Variants in PHLDB3 observed in about 807,000 individuals in gnomAD.
The protein encoded by PHLDB3 is pleckstrin homology like domain family B member 3.
PHLDB3 carries 86 observed loss-of-function variants against 85.7 expected under a neutral mutation model. That is an observed-to-expected ratio of 1.00 (90% CI 0.84 to 1.20). The LOEUF (loss-of-function observed/expected upper bound fraction) is 1.20, where lower values mean the gene tolerates loss of function less well. Ranked by LOEUF, PHLDB3 falls within the 50% of genes most tolerant of loss-of-function variation. The pLI, the probability that PHLDB3 is intolerant of heterozygous loss-of-function variation, is 0.00. For missense variants in PHLDB3, 995 were observed against 873.0 expected (o/e 1.14, Z -1.76); for synonymous variants, 376 against 349.8 (o/e 1.07, Z -0.83).
chr19:43,488,436 G>A (rs1971235912), intron 9 of PHLDB3, among the ~76,000 whole-genome samples: 3 of 152,078 alleles, frequency 2.0e-5, no homozygotes, highest in South Asian at 2.1e-4. Flanking sequence ...CAGTCTGGGC[G>A]ACAGAGTGAC....
At chr19:43,499,071 G>C (rs1971530658) in intron 4 of PHLDB3, among the ~76,000 whole-genome samples, 1 of 152,244 alleles carries the variant, frequency 6.6e-6, no homozygotes, top group South Asian at 2.1e-4. Context: ...TGGGTTACAG[G>C]GGTGGAGAGC....
chr19:43,504,074 C>T lies in PHLDB3; in HGVS notation c.45G>A (p.Leu15=). 6.2e-7 allele frequency: 1 copy of T among 1,612,640 alleles called. No individual in the cohort carries two copies. The highest frequency in any genetic ancestry group is 1.1e-5 in the South Asian group (1 of 90,888). ...SSPEEGTPPP[L]VPECDVEVQP... ...GGACCTCCACGTCGCATTCCGGGAC[C>T]AGCGGCGGCGGGGTCCCCTCCTCGG... Residue 15 remains leucine, a synonymous_variant, in exon 2 of 16, where the codon CTG becomes CTA. Coordinates refer to ENST00000292140, the MANE Select transcript of PHLDB3 (RefSeq NM_198850.4).
intron 9 of PHLDB3, among the ~76,000 whole-genome samples, chr19:43,492,042 G>A (rs746042171): frequency 2.1e-5 from 3 of 144,368 alleles, no homozygotes; most frequent in Admixed American, 7.3e-5. Context: ...TGCAACCTCC[G>A]CCTTCCGGGT....
chr19:43,479,363 C>A lies in PHLDB3; in HGVS notation c.1702+14G>T, dbSNP rs1485659126. On this transcript the variant is annotated intron_variant, in intron 14 of 15. Transcript: ENST00000292140. ...CCAGCGTCCTGGGGCCCATGGTGGC[C>A]AGGCTGGGCTTACCCGCATAGTAGG... 6.4e-7 allele frequency: 1 copy of A among 1,553,378 alleles called. No homozygotes were observed. The highest frequency in any genetic ancestry group is 1.4e-5 in the African/African-American group (1 of 73,246).
intron 13 of PHLDB3, among the ~76,000 whole-genome samples, chr19:43,479,828 C>T (rs1971007205): frequency 6.6e-6 from 1 of 152,056 alleles, no homozygotes; most frequent in Non-Finnish European, 1.5e-5. Flanking sequence ...CTGTGAGCCC[C>T]ATTTTACAAA....
intron 13 of PHLDB3, among the ~76,000 whole-genome samples, chr19:43,485,365 C>T (rs1340391233): frequency 6.6e-6 from 1 of 151,754 alleles, no homozygotes; most frequent in Non-Finnish European, 1.5e-5. Context: ...GTGCCCGCCA[C>T]CATGCCCGGC....
chr19:43,479,359 T>G lies in PHLDB3; in HGVS notation c.1702+18A>C. ...AATTCCAGCGTCCTGGGGCCCATGG[T>G]GGCCAGGCTGGGCTTACCCGCATAG... is the stretch of plus-strand genomic sequence containing the variant. On this transcript the variant is annotated intron_variant, in intron 14 of 15. Transcript: ENST00000292140. The G allele has an allele frequency of 6.4e-7, 1 of 1,552,468 alleles. No homozygotes were observed. The highest frequency in any genetic ancestry group is 8.7e-7 in the Non-Finnish European group (1 of 1,147,530).
rs767846546 is a variant in PHLDB3 at position 43,475,412 on chromosome 19, A to C, written c.1921T>G (p.Ter641GlyextTer23). The C allele has an allele frequency of 1.9e-6, 3 of 1,613,770 alleles. No homozygotes were observed. The highest frequency in any genetic ancestry group is 2.5e-6 in the Non-Finnish European group (3 of 1,179,744). Residue 641 changes from the stop codon to glycine (G), a stop_lost, in exon 16 of 16, where the codon TGA becomes GGA. Transcript: ENST00000292140. ...VTAADENHAP[*>G] ...TCCCCCCAAGAGGGCGGGGCCACTC[A>C]GGGGGCGTGGTTTTCGTCAGCGGCG...
intron 12 of PHLDB3, 106 bp downstream of exon 12, chr19:43,486,503 C>T (rs549770529): frequency 4.3e-6 from 6 of 1,386,908 alleles, no homozygotes; most frequent in Non-Finnish European, 5.9e-6. Context: ...GGGCTGGGGG[C>T]CTGGACCCCT....
chr19:43,479,230 G>A, intron 14 of PHLDB3, 147 bp downstream of exon 14: 1 of 760,208 alleles, frequency 1.3e-6, no homozygotes, highest in South Asian at 1.8e-5. Flanking sequence ...CTCCTGGGTT[G>A]TAGGGAAGTT....
rs775270687 is a variant in PHLDB3 at position 43,475,539 on chromosome 19, G to A, written c.1794C>T (p.Pro598=). 6.2e-7 allele frequency: 1 copy of A among 1,613,880 alleles called. No homozygotes were observed. The highest frequency in any genetic ancestry group is 8.5e-7 in the Non-Finnish European group (1 of 1,179,852). ...TGACGCAGAAGGTCAGGCGGGGGTT[G>A]GGGCTCTGGAATAAGCAGAAAGTGA... is the stretch of plus-strand genomic sequence containing the variant. ...YDHLRCAFKS[P]NPRLTFCVKT... The change falls in exon 16 of 16, where the codon CCC becomes CCT. Residue 598 remains proline, a synonymous_variant. Coordinates refer to ENST00000292140, the MANE Select transcript of PHLDB3 (RefSeq NM_198850.4).
At chr19:43,493,591 C>T (rs1368697069) in intron 9 of PHLDB3, among the ~76,000 whole-genome samples, 2 of 150,190 alleles carry the variant, frequency 1.3e-5, no homozygotes, top group African/African-American at 4.9e-5. Context: ...GTGATCCCAC[C>T]ATTGCACTCT....
intron 13 of PHLDB3, among the ~76,000 whole-genome samples, chr19:43,483,863 G>A (rs1029013309): frequency 3.3e-5 from 5 of 152,138 alleles, no homozygotes; most frequent in African/African-American, 1.2e-4. Flanking sequence ...AGGCATGATG[G>A]TTCAGGCCTA....
intron 5 of PHLDB3, among the ~76,000 whole-genome samples, chr19:43,497,540 C>A (rs985255492): frequency 6.6e-6 from 1 of 152,022 alleles, no homozygotes; most frequent in Non-Finnish European, 1.5e-5. Context: ...AGTGAAACCC[C>A]GTCTCTACTA....
At chr19:43,495,451 G>A (rs1971431295) in intron 7 of PHLDB3, 44 bp downstream of exon 7, 1 of 1,603,738 alleles carries the variant, frequency 6.2e-7, no homozygotes, top group South Asian at 1.1e-5. Flanking sequence ...ATGCCCCAGG[G>A]GGAAGTGAGG....
chr19:43,476,132 A>G (rs1473550932), intron 15 of PHLDB3, among the ~76,000 whole-genome samples: 1 of 152,184 alleles, frequency 6.6e-6, no homozygotes, highest in African/African-American at 2.4e-5. Flanking sequence ...GCCTTCTCTC[A>G]GCCTAACTTC....
chr19:43,487,255 A>G (rs1303820930), intron 9 of PHLDB3, 132 bp from the exon 10 acceptor site: 1 of 725,124 alleles, frequency 1.4e-6, no homozygotes, highest in Non-Finnish European at 2.4e-6. Flanking sequence ...GAGTGAAAGG[A>G]CCTCACAGGG....
chr19:43,494,366 C>A (rs1338521192), intron 9 of PHLDB3, among the ~76,000 whole-genome samples: 2 of 146,630 alleles, frequency 1.4e-5, no homozygotes, highest in African/African-American at 5.0e-5. Context: ...TTAAGGAAGT[C>A]TAGAAGGATT....
chr19:43,478,870 G>A (rs1312100414), intron 14 of PHLDB3, among the ~76,000 whole-genome samples: 1 of 152,046 alleles, frequency 6.6e-6, no homozygotes, highest in Non-Finnish European at 1.5e-5. Context: ...GGCTGAGATC[G>A]CACCACTGCA....
Sources: allele counts gnomAD v4.1 joint callset (sites outside exome capture counted in the v4.1 genomes callset), GRCh38; gene constraint gnomAD v4.1.1; transcripts MANE v1.5; gene names NCBI Gene and HGNC (gene_info 2026-07-23, HGNC 2026-07-21).